The following CERK variants were observed in gnomAD, a reference collection of about 807,000 sequenced individuals.
The protein encoded by CERK is acylsphingosine kinase.
CERK carries 39 observed loss-of-function variants against 63.4 expected under a neutral mutation model. That is an observed-to-expected ratio of 0.61 (90% CI 0.48 to 0.80). The LOEUF (loss-of-function observed/expected upper bound fraction) is 0.80, where lower values mean the gene tolerates loss of function less well. CERK is among the 30% of genes least tolerant of loss of function. The probability of loss-of-function intolerance (pLI) is 0.00; values close to 1 mark genes in which losing one functional copy is unlikely to be tolerated. For synonymous variants in CERK, 302 were observed against 280.0 expected (o/e 1.08, Z -0.78); for missense variants, 670 against 714.1 (o/e 0.94, Z 0.70).
At chr22:46,735,800 C>T (rs73888638) in intron 1 of CERK, among the ~76,000 whole-genome samples, 2,119 of 152,280 alleles carry the variant, frequency 0.014, 58 homozygotes, top group African/African-American at 0.048. Context: ...ATTCTTCTGC[C>T]CTACTATGGC....
At chr22:46,715,233 G>T (rs1371401434) in intron 3 of CERK, among the ~76,000 whole-genome samples, 1 of 152,028 alleles carries the variant, frequency 6.6e-6, no homozygotes, top group Non-Finnish European at 1.5e-5. Flanking sequence ...CCCCTGTGTT[G>T]GTCCAAGCCA....
intron 1 of CERK, among the ~76,000 whole-genome samples, chr22:46,722,842 G>T (rs554896071): frequency 6.6e-6 from 1 of 152,182 alleles, no homozygotes; most frequent in Admixed American, 6.5e-5. Context: ...CAGAAGGAGC[G>T]ACACAGGTGC....
intron 1 of CERK, among the ~76,000 whole-genome samples, chr22:46,725,663 T>C (rs1345658305): frequency 6.6e-6 from 1 of 152,238 alleles, no homozygotes; most frequent in Non-Finnish European, 1.5e-5. Flanking sequence ...GACACCACAG[T>C]GACTCGTATT....
rs1040941255 is a variant in CERK, at chr22:46,686,820, A to G, written c.*314T>C. ...ATATAATGTCCCTAACATTATTGCA[A>G]TAGAGCCACTAACGGGCCATTTTCT... is the stretch of plus-strand genomic sequence containing the variant. On this transcript the variant is annotated 3_prime_UTR_variant, in exon 13 of 13. Coordinates refer to ENST00000216264, the MANE Select transcript of CERK (RefSeq NM_022766.6). 27 of 318,188 alleles carry G rather than the reference A, an allele frequency of 8.5e-5. No homozygotes were observed. The highest frequency in any genetic ancestry group is 1.6e-4 in the Non-Finnish European group (26 of 166,996). 19.7% of individuals were successfully genotyped at this position (318,188 alleles called of 1,614,324 possible). A position where few individuals can be genotyped will look rare whatever the true frequency, so the allele number is the denominator to read the frequency against.
Position 46,714,110 on chromosome 22 carries a change from A to G in CERK, c.380-1817T>C, listed in dbSNP as rs2082856369. Among the ~76,000 whole-genome samples, 1 of 152,218 alleles carries G rather than the reference A, an allele frequency of 6.6e-6. No homozygotes were observed. The highest frequency in any genetic ancestry group is 6.5e-5 in the Admixed American group (1 of 15,286). ...ACATGGTGAAACCCTGTCTCTACTA[A>G]CAATACAAAAATTAGCTGGGAATGG... On this transcript the variant is annotated intron_variant, in intron 3 of 12. Coordinates refer to ENST00000216264, the MANE Select transcript of CERK (RefSeq NM_022766.6). The surrounding 1 kb of genome is among the most constrained non-coding windows in gnomAD (Gnocchi z 4.4).
chr22:46,737,557 A>AG (rs751915484), intron 1 of CERK, among the ~76,000 whole-genome samples: 24 of 152,212 alleles, frequency 1.6e-4, no homozygotes, highest in Admixed American at 1.3e-4. Context: ...TCACCCTGCA[A>AG]GGGCGCCTCT....
intron 6 of CERK, among the ~76,000 whole-genome samples, chr22:46,702,208 T>TAA (rs1401175534): frequency 0.02 from 2,368 of 115,736 alleles, 31 homozygotes; most frequent in Non-Finnish European, 0.029. Context: ...GCCAAAAAGT[T>TAA]AAAAAAATAT....
At chr22:46,710,004 C>T (rs1166908168) in intron 5 of CERK, among the ~76,000 whole-genome samples, 1 of 152,116 alleles carries the variant, frequency 6.6e-6, no homozygotes. Flanking sequence ...AAATCAATTC[C>T]AAGAAGCCAG....
chr22:46,712,990 G>A (rs1054878867), intron 3 of CERK, among the ~76,000 whole-genome samples: 11 of 151,622 alleles, frequency 7.3e-5, no homozygotes, highest in Non-Finnish European at 1.5e-4. Flanking sequence ...GACTACAGGC[G>A]CCCGCCACCA....
At chr22:46,705,945 G>A (rs2082810647) in intron 6 of CERK, among the ~76,000 whole-genome samples, 2 of 152,212 alleles carry the variant, frequency 1.3e-5, no homozygotes, top group Admixed American at 6.5e-5. Context: ...GCTGAGGCAA[G>A]AGGATCACTT....
chr22:46,730,547 G>C (rs1406488731), intron 1 of CERK, among the ~76,000 whole-genome samples: 2 of 152,222 alleles, frequency 1.3e-5, no homozygotes, highest in African/African-American at 4.8e-5. Context: ...GAATGAATTA[G>C]ATAGAGGAAT....
At chr22:46,688,237 G>A (rs2082713249) in intron 12 of CERK, among the ~76,000 whole-genome samples, 1 of 152,164 alleles carries the variant, frequency 6.6e-6, no homozygotes, top group Admixed American at 6.5e-5. Context: ...TTTCCATGGA[G>A]CTGAGCTCAC....
intron 11 of CERK, among the ~76,000 whole-genome samples, chr22:46,690,949 GTATGTATGTATGTGTGTGTA>G (rs1347757500): frequency 2.0e-5 from 3 of 151,650 alleles, no homozygotes; most frequent in South Asian, 2.1e-4. Context: ...GTGTGTATAT[GTATGTATGTATGTGTGTGTA>G]TATGTATGTA....
At chr22:46,712,413 A>AG in intron 3 of CERK, 120 bp from the exon 4 acceptor site, 1 of 818,760 alleles carries the variant, frequency 1.2e-6, no homozygotes, top group Non-Finnish European at 1.9e-6. Flanking sequence ...ACCTGATGGA[A>AG]AGTATTTTTA....
chr22:46,724,686 C>CA (rs1325985553), intron 1 of CERK, among the ~76,000 whole-genome samples: 1 of 152,144 alleles, frequency 6.6e-6, no homozygotes, highest in African/African-American at 2.4e-5. Flanking sequence ...GTTTCAAGCA[C>CA]AAAAATGTCC....
intron 5 of CERK, among the ~76,000 whole-genome samples, chr22:46,710,187 G>A (rs1207390610): frequency 6.6e-6 from 1 of 152,168 alleles, no homozygotes; most frequent in Non-Finnish European, 1.5e-5. Flanking sequence ...CCAGCACTTT[G>A]GGAGGCTGAG....
chr22:46,685,394 A>T lies in CERK; in HGVS notation c.*1740T>A, dbSNP rs548286626. The T allele has an allele frequency of 6.6e-6, 1 of 152,410 alleles. No individual in the cohort carries two copies. The highest frequency in any genetic ancestry group is 6.5e-5 in the Admixed American group (1 of 15,310). The allele number at this position is 152,410 out of a possible 1,614,324, so 9.4% of individuals were successfully genotyped here. On this transcript the variant is annotated 3_prime_UTR_variant, in exon 13 of 13. Transcript: ENST00000216264. ...CCGGGAAACATTTACCAGGGACAAT[A>T]AAGGCTTAGAAGAACCTTTTGGGGA...
chr22:46,704,715 C>T (rs2082804448), intron 6 of CERK, among the ~76,000 whole-genome samples: 1 of 151,008 alleles, frequency 6.6e-6, no homozygotes, highest in East Asian at 2.0e-4. Flanking sequence ...ATCCCAGCTA[C>T]TAGGGAGGCT....
intron 4 of CERK, among the ~76,000 whole-genome samples, chr22:46,711,800 T>C (rs2082842353): frequency 6.6e-6 from 1 of 152,128 alleles, no homozygotes; most frequent in Non-Finnish European, 1.5e-5. Context: ...AGGATAAAAA[T>C]CTTGGGCTGG....
Sources: gnomAD v4.1 joint callset for allele counts (sites outside exome capture counted in the v4.1 genomes callset) on GRCh38, gnomAD v4.1.1 for gene constraint, Gnocchi (gnomAD v3.1) non-coding constraint, MANE v1.5 for transcripts, NCBI Gene and HGNC (gene_info 2026-07-23, HGNC 2026-07-21) for gene names.